Variants in PCDHA13 observed in about 807,000 individuals in gnomAD.
PCDHA13 encodes the protein protocadherin alpha-13.
Under a neutral mutation model 64.8 loss-of-function variants are expected in PCDHA13, and 54 were observed. That is an observed-to-expected ratio of 0.83 (90% confidence interval 0.67 to 1.04). The LOEUF is 1.04. PCDHA13 is among the 50% of genes least tolerant of loss of function. The pLI, the probability that PCDHA13 is intolerant of heterozygous loss-of-function variation, is 0.00. For synonymous variants in PCDHA13, 587 were observed against 564.4 expected (o/e 1.04, Z -0.57); for missense variants, 1,248 against 1,254.3 (o/e 0.99, Z 0.08).
At chr5:140,952,750 A>T (rs1240610789) in intron 1 of PCDHA13, among the ~76,000 whole-genome samples, 2 of 152,326 alleles carry the variant, frequency 1.3e-5, no homozygotes, top group Non-Finnish European at 2.9e-5. Context: ...CTGCTATAAA[A>T]ACACCTGAGA....
intron 1 of PCDHA13, among the ~76,000 whole-genome samples, chr5:140,888,420 C>T (rs947790198): frequency 3.3e-5 from 5 of 152,130 alleles, no homozygotes; most frequent in African/African-American, 4.8e-5. Context: ...AACATCCTAC[C>T]GTGCACAGGA....
intron 1 of PCDHA13, among the ~76,000 whole-genome samples, chr5:140,949,913 A>G (rs554549969): frequency 9.9e-5 from 15 of 151,452 alleles, no homozygotes; most frequent in Admixed American, 2.6e-4. Context: ...TTTAGATATA[A>G]CTATTTTTAG....
At chr5:140,968,660 C>T in intron 1 of PCDHA13, 1 of 1,614,166 alleles carries the variant, frequency 6.2e-7, no homozygotes, top group Non-Finnish European at 8.5e-7. Flanking sequence ...TGACCTGGAC[C>T]TCTTTAAGGT....
At chr5:140,927,064 C>T (rs1409465902) in intron 1 of PCDHA13, 2 of 1,611,234 alleles carry the variant, frequency 1.2e-6, no homozygotes, top group Admixed American at 1.7e-5. Flanking sequence ...CTTTCGCTTC[C>T]TTTCCAGCCA....
Position 140,997,281 on chromosome 5 carries a change from T to C in PCDHA13, c.2543-12346T>C, listed in dbSNP as rs143161972. Reference sequence around the variant, plus strand: ...CTCTTCCAAATATTTCTTGCATCACTTAACAATGGGGATACACTGAGAAAT... The same window carrying C: ...CTCTTCCAAATATTTCTTGCATCACCTAACAATGGGGATACACTGAGAAAT... On this transcript the variant is annotated intron_variant, in intron 3 of 3. Transcript: ENST00000289272. 1.4e-3 allele frequency among the ~76,000 whole-genome samples: 209 copies of C among 152,340 alleles called. 2 individuals carry two copies. Among genetic ancestry groups the C allele is most frequent in the African/African-American group, 4.7e-3 (195 of 41,574 alleles).
chr5:140,960,541 C>T (rs1200507322), intron 1 of PCDHA13, among the ~76,000 whole-genome samples: 1 of 151,924 alleles, frequency 6.6e-6, no homozygotes, highest in Non-Finnish European at 1.5e-5. Context: ...GAAACTGTGG[C>T]CTTCATATAG....
At chr5:140,964,009 A>G (rs1435043905) in intron 1 of PCDHA13, among the ~76,000 whole-genome samples, 1 of 152,160 alleles carries the variant, frequency 6.6e-6, no homozygotes, top group Non-Finnish European at 1.5e-5. Context: ...CTACTTTTTA[A>G]TAGAGAGCTC....
At chr5:140,959,883 C>T (rs535578218) in intron 1 of PCDHA13, among the ~76,000 whole-genome samples, 4 of 152,222 alleles carry the variant, frequency 2.6e-5, no homozygotes, top group South Asian at 2.1e-4. Flanking sequence ...AAGGAATACA[C>T]GAGTGGGATT....
In PCDHA13 at chr5:140,966,787, A is replaced by C. The variant is rs781920865; in HGVS notation, c.2395-12162A>C. 5.9e-5 allele frequency: 90 copies of C among 1,526,700 alleles called. No homozygotes were observed. Among genetic ancestry groups the C allele is most frequent in the Non-Finnish European group, 7.7e-5 (88 of 1,139,948 alleles). The allele number at this position is 1,526,700 out of a possible 1,614,324, so 94.6% of individuals were successfully genotyped here. On this transcript the variant is annotated intron_variant, in intron 1 of 3. Coordinates refer to ENST00000289272, the MANE Select transcript of PCDHA13 (RefSeq NM_018904.3). ...TGGCTATGGAGCAGGCGGGCACCAG[A>C]CCTGCGGCGACAGAGCATCCACGGC...
chr5:141,007,094 A>G (rs559556000), intron 3 of PCDHA13, among the ~76,000 whole-genome samples: 1 of 152,300 alleles, frequency 6.6e-6, no homozygotes, highest in Admixed American at 6.5e-5. Context: ...AAGAGAGTCT[A>G]GGGCCAAACC....
intron 1 of PCDHA13, among the ~76,000 whole-genome samples, chr5:140,959,117 G>A (rs2095468242): frequency 6.6e-6 from 1 of 152,174 alleles, no homozygotes; most frequent in South Asian, 2.1e-4. Flanking sequence ...CCGAAGGTGG[G>A]CGAGGTGAGC....
intron 1 of PCDHA13, among the ~76,000 whole-genome samples, chr5:140,885,621 T>G (rs528108703): frequency 1.3e-5 from 2 of 152,188 alleles, no homozygotes; most frequent in Non-Finnish European, 2.9e-5. Context: ...ATAAAATATG[T>G]CACTGGATTG....
intron 1 of PCDHA13, among the ~76,000 whole-genome samples, chr5:140,921,987 G>T (rs1414139435): frequency 6.6e-6 from 1 of 151,868 alleles, no homozygotes; most frequent in Non-Finnish European, 1.5e-5. Context: ...AACTAAAAAA[G>T]AGTTCAATGA....
At chr5:140,928,007 A>G in intron 1 of PCDHA13, 3 of 1,614,116 alleles carry the variant, frequency 1.9e-6, no homozygotes, top group Non-Finnish European at 2.5e-6. Context: ...CTCGATTCTA[A>G]TGGTAGGGTC....
chr5:140,907,631 C>T (rs1338354291), intron 1 of PCDHA13, among the ~76,000 whole-genome samples: 1 of 152,216 alleles, frequency 6.6e-6, no homozygotes, highest in African/African-American at 2.4e-5. Flanking sequence ...GTGTTGGTCT[C>T]TGCTGCTGGC....
At chr5:140,927,090 C>T (rs368092094) in intron 1 of PCDHA13, 34 of 1,612,532 alleles carry the variant, frequency 2.1e-5, no homozygotes, top group Non-Finnish European at 1.4e-5. Flanking sequence ...AGCTCTACTT[C>T]GGGGTGGATC....
rs182605806 is a variant in PCDHA13 at position 140,924,980 on chromosome 5, T to C, written c.2394+40318T>C. On this transcript the variant is annotated intron_variant, in intron 1 of 3. Transcript: ENST00000289272. ...TGCAAGGTGAGTGCAGTGGCTCATG[T>C]CTGTAATCCTAGCACTTTAGGAGGC... is the stretch of plus-strand genomic sequence containing the variant. Among the ~76,000 whole-genome samples, 408 of 150,900 alleles carry C rather than the reference T, an allele frequency of 2.7e-3. 2 individuals are homozygous for C. The highest frequency in any genetic ancestry group is 0.014 in the Middle Eastern group (4 of 288).
chr5:140,894,569 C>CT (rs556288790), intron 1 of PCDHA13, among the ~76,000 whole-genome samples: 36 of 151,446 alleles, frequency 2.4e-4, no homozygotes, highest in African/African-American at 7.5e-4. Context: ...AATTATTTTC[C>CT]TTTTTTTTAA....
chr5:140,927,630 A>G (rs1408351955), intron 1 of PCDHA13: 3 of 1,614,064 alleles, frequency 1.9e-6, no homozygotes, highest in Non-Finnish European at 2.5e-6. Flanking sequence ...CAGAGACTGC[A>G]CCCAATGGGA....
Sources: allele counts gnomAD v4.1 joint callset (sites outside exome capture counted in the v4.1 genomes callset), GRCh38; gene constraint gnomAD v4.1.1; transcripts MANE v1.5; gene names NCBI Gene and HGNC (gene_info 2026-07-23, HGNC 2026-07-21).